The following PCCA variants were observed in gnomAD, a reference collection of about 807,000 sequenced individuals.
PCCA encodes propionyl-CoA carboxylase subunit alpha.
In PCCA, 74 loss-of-function variants were observed where a neutral mutation model predicts 101.3. That is an observed-to-expected ratio of 0.73 (90% CI 0.61 to 0.89). The LOEUF (loss-of-function observed/expected upper bound fraction) is 0.89. Ranked by LOEUF, PCCA falls within the 40% of genes least tolerant of loss-of-function variation. The pLI is 0.00. For missense variants in PCCA, 891 were observed against 907.0 expected, an observed-to-expected ratio of 0.98 and a Z score of 0.23; for synonymous variants, 294 against 313.6, an observed-to-expected ratio of 0.94 and a Z score of 0.66.
At chr13:100,260,102 T>C (rs905218345) in intron 9 of PCCA, among the ~76,000 whole-genome samples, 11 of 152,214 alleles carry the variant, frequency 7.2e-5, no homozygotes, top group African/African-American at 2.7e-4. Context: ...TTTTTCTTTC[T>C]GTTATTATAT....
chr13:100,129,839 G>A (rs1048090108), intron 4 of PCCA, among the ~76,000 whole-genome samples: 6 of 152,112 alleles, frequency 3.9e-5, no homozygotes, highest in African/African-American at 7.2e-5. Flanking sequence ...GAACATTCTC[G>A]CCATCTGTAC....
intron 7 of PCCA, among the ~76,000 whole-genome samples, chr13:100,217,845 A>G (rs2059604595): frequency 6.6e-6 from 1 of 150,698 alleles, no homozygotes; most frequent in Admixed American, 6.6e-5. Context: ...ATACCACTTA[A>G]AAAAATCCAT....
At chr13:100,132,369 G>A (rs1158010535) in intron 4 of PCCA, among the ~76,000 whole-genome samples, 3 of 99,472 alleles carry the variant, frequency 3.0e-5, no homozygotes, top group Non-Finnish European at 6.4e-5. Flanking sequence ...TGGCAACCAC[G>A]GATGTGTTTC....
At chr13:100,222,701 TA>T (rs2152499478) in intron 7 of PCCA, among the ~76,000 whole-genome samples, 1 of 152,354 alleles carries the variant, frequency 6.6e-6, no homozygotes, top group Admixed American at 6.5e-5. Flanking sequence ...AAAAAATGTT[TA>T]GTGTTCTTTA....
At chr13:100,186,238 A>T (rs996436116) in intron 6 of PCCA, among the ~76,000 whole-genome samples, 6 of 152,218 alleles carry the variant, frequency 3.9e-5, no homozygotes, top group Non-Finnish European at 8.8e-5. Flanking sequence ...TAGTTAGACA[A>T]AAATGGACTA....
rs78940556 is a variant in PCCA, at chr13:100,130,243, C to A, written c.300+18182C>A. Among the ~76,000 whole-genome samples the A allele has an allele frequency of 7.4e-3, 1,124 of 152,366 alleles. 15 individuals are homozygous for A. The highest frequency in any genetic ancestry group is 0.026 in the African/African-American group (1,074 of 41,592). On this transcript the variant is annotated intron_variant, in intron 4 of 23. Transcript: ENST00000376285. ...TCTGGCTATAGCCAGTCACTCACCC[C>A]ACTTGGGATTGCTTCCTTTGCTGCT...
At position 100,314,403 on chromosome 13, in the gene PCCA, A is replaced by G. The variant is rs890886841; in HGVS notation, c.1429+4495A>G. The stretch of plus-strand genomic sequence containing the variant: ...TTTATGAAGGCCTGACTAGGTAGGC[A>G]TGATTGATCCTATCAATCTGCCATT... On this transcript the variant is annotated intron_variant, in intron 16 of 23. Transcript: ENST00000376285. Among the ~76,000 whole-genome samples, 3 of 152,238 alleles carry G rather than the reference A, an allele frequency of 2.0e-5. No homozygotes were observed. In the East Asian group the frequency reaches 5.8e-4, roughly 29 times the overall value.
intron 8 of PCCA, among the ~76,000 whole-genome samples, chr13:100,248,808 G>T (rs554831740): frequency 6.6e-6 from 1 of 151,922 alleles, no homozygotes; most frequent in South Asian, 2.1e-4. Flanking sequence ...GTGCAGTGGC[G>T]CGAGCTTGGC....
intron 22 of PCCA, among the ~76,000 whole-genome samples, chr13:100,522,523 G>A (rs2087388563): frequency 6.6e-6 from 1 of 152,142 alleles, no homozygotes; most frequent in African/African-American, 2.4e-5. Flanking sequence ...CCTGGGGGGC[G>A]GGGCGGCTCG....
At chr13:100,265,927 T>A (rs1433062478) in intron 10 of PCCA, among the ~76,000 whole-genome samples, 1 of 152,160 alleles carries the variant, frequency 6.6e-6, no homozygotes, top group Non-Finnish European at 1.5e-5. Flanking sequence ...GACTGTGAGA[T>A]GTGCTTGTTT....
intron 19 of PCCA, among the ~76,000 whole-genome samples, chr13:100,396,856 A>G (rs921314950): frequency 6.6e-6 from 1 of 152,146 alleles, no homozygotes; most frequent in African/African-American, 2.4e-5. Context: ...TTGTTGAGTG[A>G]GGCTGGTGAA....
At chr13:100,261,415 T>C (rs2062501966) in intron 9 of PCCA, among the ~76,000 whole-genome samples, 1 of 151,826 alleles carries the variant, frequency 6.6e-6, no homozygotes, top group Non-Finnish European at 1.5e-5. Context: ...ACCCAGGCTG[T>C]AGTGCAGTGA....
chr13:100,386,852 T>C lies in PCCA; in HGVS notation c.1746+18278T>C, dbSNP rs145140568. Among the ~76,000 whole-genome samples, 920 of 152,332 alleles carry C rather than the reference T, an allele frequency of 6.0e-3. 8 individuals carry two copies. Among genetic ancestry groups the C allele is most frequent in the African/African-American group, 0.021 (881 of 41,576 alleles). ...GCTGGAGGGCTGACTCCATAACAAG[T>C]GAGAAGGATACATCTCTTAGATCAT... On this transcript the variant is annotated intron_variant, in intron 19 of 23. Coordinates refer to ENST00000376285, the MANE Select transcript of PCCA (RefSeq NM_000282.4).
intron 6 of PCCA, among the ~76,000 whole-genome samples, chr13:100,180,465 G>A (rs1263208254): frequency 6.6e-6 from 1 of 152,088 alleles, no homozygotes; most frequent in Non-Finnish European, 1.5e-5. Context: ...TCCCACAATG[G>A]TTTATTTTCC....
intron 6 of PCCA, among the ~76,000 whole-genome samples, chr13:100,158,977 GTATTATACAT>G (rs148847074): frequency 0.037 from 5,471 of 147,920 alleles, 328 homozygotes; most frequent in African/African-American, 0.13. Context: ...TGTGGTGCCA[GTATTATACAT>G]TTATTCCTAT....
At chr13:100,320,170 T>C (rs2067862187) in intron 16 of PCCA, among the ~76,000 whole-genome samples, 1 of 152,244 alleles carries the variant, frequency 6.6e-6, no homozygotes, top group Non-Finnish European at 1.5e-5. Flanking sequence ...TTTTGCACAT[T>C]GATTTTGTAT....
rs535171060 is a variant in PCCA at position 100,151,907 on chromosome 13, A to G, written c.301-3072A>G. On this transcript the variant is annotated intron_variant, in intron 4 of 23. Coordinates refer to ENST00000376285, the MANE Select transcript of PCCA (RefSeq NM_000282.4). ...AGATGTTGAAATTTTTGAAACAAAT[A>G]TATCTACTCAGCCTATGCAATATTA... is the stretch of plus-strand genomic sequence containing the variant. Among the ~76,000 whole-genome samples the G allele has an allele frequency of 4.2e-4, 64 of 152,332 alleles. No homozygotes were observed. The South Asian group carries it at 0.013, about 30-fold the overall frequency.
intron 19 of PCCA, among the ~76,000 whole-genome samples, chr13:100,425,362 G>T (rs907625499): frequency 6.6e-6 from 1 of 152,244 alleles, no homozygotes; most frequent in African/African-American, 2.4e-5. Flanking sequence ...TGTCCAGATA[G>T]GTTTCGAGTT....
chr13:100,515,507 T>C lies in PCCA; in HGVS notation c.1980T>C (p.Ser660=), dbSNP rs751989323. The change falls in exon 22 of 24, where the codon AGT becomes AGC. Residue 660 remains serine (S), a synonymous_variant. Transcript: ENST00000376285. ...AAAAAGTGACTGAGGACACAAGCAG[T>C]GTTCTGCGTTCCCCGATGCCCGGAG... ...MLEKVTEDTS[S]VLRSPMPGVV... 4.3e-6 allele frequency: 7 copies of C among 1,614,178 alleles called. No homozygotes were observed. Among genetic ancestry groups the C allele is most frequent in the Non-Finnish European group, 5.1e-6 (6 of 1,180,030 alleles).
Sources: allele counts gnomAD v4.1 joint callset (sites outside exome capture counted in the v4.1 genomes callset), GRCh38; gene constraint gnomAD v4.1.1; transcripts MANE v1.5; gene names NCBI Gene and HGNC (gene_info 2026-07-23, HGNC 2026-07-21).